FAM171A1: variants seen among roughly 807,000 people sequenced by gnomAD.
FAM171A1 encodes family with sequence similarity 171 member A1.
Under a neutral mutation model 74.9 loss-of-function variants are expected in FAM171A1, and 23 were observed. The ratio of observed to expected loss-of-function variants is 0.31; its 90% confidence interval spans 0.22 to 0.44. The LOEUF is 0.44. Among genes scored for constraint, FAM171A1 ranks in the 20% least tolerant of loss-of-function variants. The pLI, the probability that FAM171A1 is intolerant of heterozygous loss-of-function variation, is 1.00. For synonymous variants in FAM171A1, 527 were observed against 505.7 expected, an observed-to-expected ratio of 1.04 and a Z score of -0.57; for missense variants, 1,162 against 1,159.2, an observed-to-expected ratio of 1.00 and a Z score of -0.03.
At position 15,332,010 on chromosome 10, in the gene FAM171A1, C is replaced by T. The variant is rs1350382181; in HGVS notation, c.97+38946G>A. Among the ~76,000 whole-genome samples, 5 of 151,546 alleles carry T rather than the reference C, an allele frequency of 3.3e-5. No individual in the cohort carries two copies. In the Middle Eastern group the frequency reaches 0.01, roughly 309 times the overall value. On this transcript the variant is annotated intron_variant, in intron 1 of 7. Transcript: ENST00000378116. Reference sequence around the variant, plus strand: ...TGTTACCCAGGCTGGAGTGCAATGGCGCGATCTTGGCTCACTGCAACCTCT... The same window carrying T: ...TGTTACCCAGGCTGGAGTGCAATGGTGCGATCTTGGCTCACTGCAACCTCT...
chr10:15,219,974 T>C (rs1160005596), intron 6 of FAM171A1, among the ~76,000 whole-genome samples: 1 of 152,232 alleles, frequency 6.6e-6, no homozygotes, highest in African/African-American at 2.4e-5. Flanking sequence ...CACACCTGTT[T>C]AGGAAAGACC....
chr10:15,341,698 A>T (rs6602842), intron 1 of FAM171A1, among the ~76,000 whole-genome samples: 3 of 152,198 alleles, frequency 2.0e-5, no homozygotes, highest in Non-Finnish European at 2.9e-5. Flanking sequence ...AAGTTATCAG[A>T]GAGTATGCAG....
chr10:15,265,657 A>ATTTTTTTTTTTT (rs368637807), intron 3 of FAM171A1, among the ~76,000 whole-genome samples: 1 of 135,130 alleles, frequency 7.4e-6, no homozygotes. Context: ...CTGGATTTTG[A>ATTTTTTTTTTTT]TTTTTTTTTT....
intron 1 of FAM171A1, among the ~76,000 whole-genome samples, chr10:15,365,757 G>A (rs1836052692): frequency 9.9e-6 from 1 of 101,178 alleles, no homozygotes; most frequent in East Asian, 3.0e-4. Flanking sequence ...GGGACACAGT[G>A]AGACTCTGTT....
intron 2 of FAM171A1, among the ~76,000 whole-genome samples, chr10:15,278,592 A>G (rs1225609333): frequency 1.3e-5 from 2 of 152,210 alleles, no homozygotes; most frequent in Non-Finnish European, 2.9e-5. Flanking sequence ...TGCTACTGAC[A>G]TGTGCTACAA....
At chr10:15,232,242 A>G (rs186986038) in intron 5 of FAM171A1, among the ~76,000 whole-genome samples, 3 of 152,244 alleles carry the variant, frequency 2.0e-5, no homozygotes, top group Admixed American at 2.0e-4. Context: ...TCCCCGAGAT[A>G]AGCCCACGTT....
At chr10:15,364,546 G>A (rs1458859044) in intron 1 of FAM171A1, among the ~76,000 whole-genome samples, 2 of 152,158 alleles carry the variant, frequency 1.3e-5, no homozygotes. Context: ...CAGTTCTTAG[G>A]GGTTAGGGTC....
At chr10:15,334,278 C>T (rs936295446) in intron 1 of FAM171A1, among the ~76,000 whole-genome samples, 1 of 152,118 alleles carries the variant, frequency 6.6e-6, no homozygotes, top group Non-Finnish European at 1.5e-5. Flanking sequence ...GACCTTGGCT[C>T]TGGGATGAAA....
intron 4 of FAM171A1, among the ~76,000 whole-genome samples, chr10:15,253,174 T>G (rs967039183): frequency 3.3e-5 from 5 of 152,068 alleles, no homozygotes; most frequent in Admixed American, 6.6e-5. Flanking sequence ...CAGCTAATTT[T>G]TGTATTTTTA....
intron 2 of FAM171A1, among the ~76,000 whole-genome samples, chr10:15,282,868 T>C (rs1278202511): frequency 6.6e-6 from 1 of 152,108 alleles, no homozygotes; most frequent in Non-Finnish European, 1.5e-5. Flanking sequence ...CCTGGGGTCC[T>C]GTCTCAGGCC....
At chr10:15,249,535 A>G (rs1386327847) in intron 4 of FAM171A1, among the ~76,000 whole-genome samples, 1 of 152,246 alleles carries the variant, frequency 6.6e-6, no homozygotes, top group Non-Finnish European at 1.5e-5. Flanking sequence ...CCCCATGCAC[A>G]TGTTAATTAC....
At chr10:15,267,054 G>C (rs1294405979) in intron 3 of FAM171A1, among the ~76,000 whole-genome samples, 1 of 152,114 alleles carries the variant, frequency 6.6e-6, no homozygotes, top group Non-Finnish European at 1.5e-5. Flanking sequence ...GGAGAGCAGA[G>C]ACTCGAGTTA....
At chr10:15,369,133 C>A (rs1421592778) in intron 1 of FAM171A1, among the ~76,000 whole-genome samples, 1 of 151,702 alleles carries the variant, frequency 6.6e-6, no homozygotes, top group Non-Finnish European at 1.5e-5. Flanking sequence ...GCATAATATT[C>A]CATTCCTGAG....
intron 1 of FAM171A1, among the ~76,000 whole-genome samples, chr10:15,313,135 C>T (rs529526744): frequency 2.6e-4 from 39 of 152,308 alleles, no homozygotes; most frequent in African/African-American, 7.0e-4. Flanking sequence ...TCCAGAGACA[C>T]GTAGAGTCCC....
intron 3 of FAM171A1, among the ~76,000 whole-genome samples, chr10:15,272,314 A>G (rs1163015620): frequency 1.3e-5 from 2 of 152,242 alleles, no homozygotes; most frequent in African/African-American, 4.8e-5. Context: ...ACATAATGGT[A>G]AAGGGATCAA....
At chr10:15,225,739 C>A (rs1285528192) in intron 5 of FAM171A1, among the ~76,000 whole-genome samples, 1 of 152,110 alleles carries the variant, frequency 6.6e-6, no homozygotes, top group African/African-American at 2.4e-5. Context: ...GCGGTGAGAG[C>A]CTCGGGCACT....
chr10:15,305,475 A>G (rs997040529), intron 1 of FAM171A1, among the ~76,000 whole-genome samples: 2 of 151,972 alleles, frequency 1.3e-5, no homozygotes, highest in Non-Finnish European at 2.9e-5. Context: ...CCAGGAGTTC[A>G]AGACCAGCCT....
intron 1 of FAM171A1, among the ~76,000 whole-genome samples, chr10:15,322,370 G>C (rs1031949687): frequency 5.3e-5 from 8 of 152,110 alleles, no homozygotes; most frequent in Non-Finnish European, 7.3e-5. Flanking sequence ...TTTTAAAAGA[G>C]GAATTTATTT....
At chr10:15,217,033 G>T (rs984644762) in intron 6 of FAM171A1, among the ~76,000 whole-genome samples, 1 of 152,090 alleles carries the variant, frequency 6.6e-6, no homozygotes, top group Non-Finnish European at 1.5e-5. Flanking sequence ...TTAAAAACAA[G>T]ATCTTTCTCT....
Sources: allele counts gnomAD v4.1 joint callset (sites outside exome capture counted in the v4.1 genomes callset), GRCh38; gene constraint gnomAD v4.1.1; transcripts MANE v1.5; gene names NCBI Gene and HGNC (gene_info 2026-07-23, HGNC 2026-07-21).